The following TSPAN5 variants were observed in gnomAD, a reference collection of about 807,000 sequenced individuals.
TSPAN5 encodes the protein tetraspanin-5.
TSPAN5 carries 10 observed loss-of-function variants against 37.1 expected under a neutral mutation model. The observed-to-expected ratio is 0.27, with a 90% CI of 0.17 to 0.46. TSPAN5 has a LOEUF of 0.46. TSPAN5 is among the 20% of genes least tolerant of loss of function. The pLI is 1.00. For synonymous variants in TSPAN5, 110 were observed against 118.9 expected (o/e 0.93, Z 0.48); for missense variants, 195 against 326.6 (o/e 0.60, Z 3.11).
chr4:98,522,224 T>C (rs766658273), intron 1 of TSPAN5, among the ~76,000 whole-genome samples: 1 of 152,240 alleles, frequency 6.6e-6, no homozygotes, highest in Non-Finnish European at 1.5e-5. Flanking sequence ...CAGAGTACAC[T>C]GACTTCTTGT....
intron 1 of TSPAN5, among the ~76,000 whole-genome samples, chr4:98,549,396 G>A (rs778707307): frequency 4.0e-5 from 6 of 151,558 alleles, no homozygotes; most frequent in African/African-American, 9.7e-5. Flanking sequence ...TCTGCCTCTC[G>A]GGTTTAAGCA....
chr4:98,592,173 C>T (rs1755650592), intron 1 of TSPAN5, among the ~76,000 whole-genome samples: 2 of 149,452 alleles, frequency 1.3e-5, no homozygotes, highest in Non-Finnish European at 3.0e-5. Flanking sequence ...TTACCTTTAT[C>T]TCATGCCATA....
rs2110137146 is a variant in TSPAN5 at position 98,537,409 on chromosome 4, A to G, written c.82-29681T>C. On this transcript the variant is annotated intron_variant, in intron 1 of 7. Transcript: ENST00000305798. ...CGCCTTCTGAGTCGATCTCGCTGGG[A>G]GCTACAGACCGGAGCTGTTCCTATT... 3.3e-5 allele frequency among the ~76,000 whole-genome samples: 5 copies of G among 152,072 alleles called. No homozygotes were observed. The Middle Eastern group carries it at 0.017, about 517-fold the overall frequency.
chr4:98,629,117 C>A (rs529202526), intron 1 of TSPAN5, among the ~76,000 whole-genome samples: 2 of 152,270 alleles, frequency 1.3e-5, no homozygotes, highest in East Asian at 3.9e-4. Context: ...TATAAACACA[C>A]ACATATTATC....
At chr4:98,475,122 T>C (rs1366442256) in intron 7 of TSPAN5, among the ~76,000 whole-genome samples, 8 of 152,264 alleles carry the variant, frequency 5.3e-5, no homozygotes, top group Non-Finnish European at 2.9e-5. Context: ...TGTTTTACTT[T>C]TGCAAATTTG....
At chr4:98,476,753 C>T (rs1752710848) in intron 5 of TSPAN5, among the ~76,000 whole-genome samples, 1 of 152,112 alleles carries the variant, frequency 6.6e-6, no homozygotes, top group South Asian at 2.1e-4. Flanking sequence ...CAAAGTGGTG[C>T]CAACCTCAAG....
At chr4:98,583,410 C>T (rs983730423) in intron 1 of TSPAN5, among the ~76,000 whole-genome samples, 1 of 152,094 alleles carries the variant, frequency 6.6e-6, no homozygotes, top group African/African-American at 2.4e-5. Flanking sequence ...CTCCCTCCTC[C>T]CACCCTCCAC....
At chr4:98,486,930 C>T (rs900871405) in intron 2 of TSPAN5, 46 bp from the exon 3 acceptor site, 1 of 1,597,836 alleles carries the variant, frequency 6.3e-7, no homozygotes, top group East Asian at 2.2e-5. Flanking sequence ...GATGTGGGGT[C>T]AGTTTTCCAA....
At chr4:98,633,855 G>A (rs987170329) in intron 1 of TSPAN5, among the ~76,000 whole-genome samples, 1 of 152,116 alleles carries the variant, frequency 6.6e-6, no homozygotes, top group African/African-American at 2.4e-5. Flanking sequence ...CGAGACGGGA[G>A]GATCACCTGA....
Position 98,609,311 on chromosome 4 carries a change from C to A in TSPAN5, c.81+48835G>T, listed in dbSNP as rs4699659. ...GTGTTGGGAGTTTTTAAAGCTCCTG[C>A]GTTACTCTATTGTGCAGCCAGAGTG... On this transcript the variant is annotated intron_variant, in intron 1 of 7. Transcript: ENST00000305798. Among the ~76,000 whole-genome samples the A allele has an allele frequency of 6.5e-3, 991 of 152,156 alleles. 42 individuals carry two copies. The highest frequency in any genetic ancestry group is 0.059 in the Admixed American group (894 of 15,282).
intron 1 of TSPAN5, among the ~76,000 whole-genome samples, chr4:98,605,022 TATA>T (rs1184805928): frequency 2.8e-4 from 43 of 152,206 alleles, no homozygotes; most frequent in Non-Finnish European, 1.0e-4. Flanking sequence ...TTTTAAATTA[TATA>T]ATAAATTAAA....
At chr4:98,542,690 G>C (rs1754385439) in intron 1 of TSPAN5, among the ~76,000 whole-genome samples, 1 of 138,328 alleles carries the variant, frequency 7.2e-6, no homozygotes. Flanking sequence ...CTGCACTTTA[G>C]CCTGGGTGAC....
intron 7 of TSPAN5, among the ~76,000 whole-genome samples, chr4:98,472,818 C>G (rs1024918519): frequency 2.6e-5 from 4 of 152,092 alleles, no homozygotes; most frequent in African/African-American, 4.8e-5. Flanking sequence ...AAAAAGAAAC[C>G]CTGTACCTGT....
chr4:98,650,351 G>A (rs767633218), intron 1 of TSPAN5, among the ~76,000 whole-genome samples: 19 of 152,240 alleles, frequency 1.2e-4, no homozygotes, highest in African/African-American at 1.9e-4. Context: ...AGGGAGAAAG[G>A]TATCCATATG....
At chr4:98,572,148 G>A (rs575761601) in intron 1 of TSPAN5, among the ~76,000 whole-genome samples, 2 of 152,126 alleles carry the variant, frequency 1.3e-5, no homozygotes, top group East Asian at 3.9e-4. Context: ...ATTTTTAGTA[G>A]AGACGGGGTT....
At chr4:98,618,602 T>C (rs1204097380) in intron 1 of TSPAN5, among the ~76,000 whole-genome samples, 1 of 152,134 alleles carries the variant, frequency 6.6e-6, no homozygotes, top group East Asian at 1.9e-4. Context: ...AGGAGGCATA[T>C]GAAGGATAAG....
rs1434946429 is a variant in TSPAN5, at chr4:98,658,173, G to T, written c.54C>A (p.Phe18Leu). 3 of 1,613,952 alleles carry T rather than the reference G, an allele frequency of 1.9e-6. No homozygotes were observed. The highest frequency in any genetic ancestry group is 1.7e-6 in the Non-Finnish European group (2 of 1,179,912). The stretch of plus-strand genomic sequence containing the variant: ...AAAATATGACATTGAAGCCAAATAT[G>T]AAGTATTTGATGCAACAACTGACTT... ...GPEVSCCIKY[F>L]IFGFNVIFWF... The change falls in exon 1 of 8, where the codon TTC becomes TTA. Residue 18 changes from phenylalanine (F) to leucine (L), a missense_variant. Transcript: ENST00000305798.
At chr4:98,480,291 T>C (rs1313016796) in intron 4 of TSPAN5, among the ~76,000 whole-genome samples, 1 of 152,238 alleles carries the variant, frequency 6.6e-6, no homozygotes, top group East Asian at 1.9e-4. Flanking sequence ...GATATATCCA[T>C]TACCACCAAA....
At chr4:98,491,853 A>G (rs183684274) in intron 2 of TSPAN5, among the ~76,000 whole-genome samples, 2 of 152,292 alleles carry the variant, frequency 1.3e-5, no homozygotes, top group African/African-American at 4.8e-5. Context: ...AAGAAGTGCT[A>G]GTATATGCCT....
Sources: allele counts gnomAD v4.1 joint callset (sites outside exome capture counted in the v4.1 genomes callset), GRCh38; gene constraint gnomAD v4.1.1; transcripts MANE v1.5; gene names NCBI Gene and HGNC (gene_info 2026-07-23, HGNC 2026-07-21).